IMMP2L: variants seen among roughly 807,000 people sequenced by gnomAD.
IMMP2L encodes the protein inner mitochondrial membrane peptidase subunit 2.
IMMP2L carries 18 observed loss-of-function variants against 19.3 expected under a neutral mutation model. That is an observed-to-expected ratio of 0.93 (90% confidence interval 0.64 to 1.38). The LOEUF (loss-of-function observed/expected upper bound fraction) is 1.38. IMMP2L is among the 40% of genes most tolerant of loss of function. The probability of loss-of-function intolerance (pLI) is 0.00; values close to 1 mark genes in which losing one functional copy is unlikely to be tolerated. For synonymous variants in IMMP2L, 76 were observed against 73.0 expected, an observed-to-expected ratio of 1.04 and a Z score of -0.21; for missense variants, 233 against 218.2, an observed-to-expected ratio of 1.07 and a Z score of -0.43.
rs556356021 is a variant in IMMP2L, at chr7:110,681,205, C to A, written c.409-17484G>T. Among the ~76,000 whole-genome samples the A allele has an allele frequency of 2.1e-3, 319 of 152,128 alleles. 3 individuals are homozygous for A. Among genetic ancestry groups the A allele is most frequent in the African/African-American group, 7.0e-3 (289 of 41,506 alleles). On this transcript the variant is annotated intron_variant, in intron 5 of 5. Transcript: ENST00000405709. ...GAAAACTGAGGCCCAGAAATGCTAC[C>A]CAGATCACTCAGTTAGCTAGAGATG...
intron 4 of IMMP2L, among the ~76,000 whole-genome samples, chr7:110,913,272 T>G (rs544326037): frequency 1.4e-4 from 22 of 152,098 alleles, no homozygotes; most frequent in Non-Finnish European, 2.4e-4. Context: ...ACAATGAGAT[T>G]TGATGCGCAT....
At chr7:111,561,336 T>C (rs986958889) in intron 1 of IMMP2L, among the ~76,000 whole-genome samples, 2 of 152,196 alleles carry the variant, frequency 1.3e-5, no homozygotes, top group Non-Finnish European at 2.9e-5. Flanking sequence ...TTCTGTAAGC[T>C]TGAGAGATCC....
chr7:111,462,486 A>T (rs1249780047), intron 3 of IMMP2L, among the ~76,000 whole-genome samples: 2 of 152,182 alleles, frequency 1.3e-5, no homozygotes, highest in Non-Finnish European at 2.9e-5. Flanking sequence ...TGGAAAATAT[A>T]GAAATAATGG....
In IMMP2L at chr7:111,187,028, G is replaced by A. The variant is rs115550102; in HGVS notation, c.240-223463C>T. 3.6e-3 allele frequency among the ~76,000 whole-genome samples: 541 copies of A among 152,036 alleles called. 7 individuals carry two copies. The highest frequency in any genetic ancestry group is 0.013 in the African/African-American group (525 of 41,416). On this transcript the variant is annotated intron_variant, in intron 3 of 5. Transcript: ENST00000405709. ...GTTCTGGGAATAGAATTAGTAGTAG[G>A]CACTTTTTCTCCATAAATGAATACA...
chr7:111,462,106 T>C (rs2132016428), intron 3 of IMMP2L, among the ~76,000 whole-genome samples: 1 of 151,670 alleles, frequency 6.6e-6, no homozygotes, highest in South Asian at 2.1e-4. Flanking sequence ...TTTATTTTAA[T>C]AATAAATATT....
intron 3 of IMMP2L, among the ~76,000 whole-genome samples, chr7:111,305,365 G>A (rs562869196): frequency 6.6e-6 from 1 of 152,250 alleles, no homozygotes; most frequent in African/African-American, 2.4e-5. Flanking sequence ...GTCTCACTTT[G>A]TCACCCAGGC....
intron 3 of IMMP2L, among the ~76,000 whole-genome samples, chr7:111,240,094 T>C (rs1814823732): frequency 6.6e-6 from 1 of 151,916 alleles, no homozygotes; most frequent in Admixed American, 6.6e-5. Context: ...TCAATTTGAA[T>C]AGAGTTTTAG....
At chr7:111,371,786 T>C (rs1406379546) in intron 3 of IMMP2L, among the ~76,000 whole-genome samples, 2 of 152,030 alleles carry the variant, frequency 1.3e-5, no homozygotes, top group Non-Finnish European at 2.9e-5. Flanking sequence ...GTCATATGTT[T>C]ATGTAATTTA....
intron 3 of IMMP2L, among the ~76,000 whole-genome samples, chr7:111,047,336 C>T (rs936456285): frequency 5.3e-5 from 8 of 151,970 alleles, no homozygotes; most frequent in Admixed American, 1.3e-4. Flanking sequence ...TACAGGCAGG[C>T]ATCACCATTC....
chr7:110,792,857 C>T (rs1800561778), intron 5 of IMMP2L, among the ~76,000 whole-genome samples: 1 of 152,002 alleles, frequency 6.6e-6, no homozygotes, highest in African/African-American at 2.4e-5. Context: ...ATCTCCCCCT[C>T]CCCCAGCCCC....
In IMMP2L at chr7:111,449,133, A is replaced by T. The variant is rs969889024; in HGVS notation, c.239+38105T>A. Among the ~76,000 whole-genome samples the T allele has an allele frequency of 4.0e-5, 6 of 149,060 alleles. No individual in the cohort carries two copies. The East Asian group carries it at 6.1e-4, about 15-fold the overall frequency. ...ACAGCCGAATTCTACCAGAGGTACA[A>T]GGAGGAACTGGTACCATTCCTTCTG... On this transcript the variant is annotated intron_variant, in intron 3 of 5. Transcript: ENST00000405709.
intron 3 of IMMP2L, among the ~76,000 whole-genome samples, chr7:111,225,385 A>T (rs1449408764): frequency 6.6e-6 from 1 of 152,112 alleles, no homozygotes; most frequent in Non-Finnish European, 1.5e-5. Context: ...TATGCTGTAT[A>T]ATAAAATGCA....
intron 3 of IMMP2L, among the ~76,000 whole-genome samples, chr7:111,415,634 A>C (rs1834889458): frequency 1.3e-5 from 2 of 151,844 alleles, no homozygotes; most frequent in South Asian, 4.1e-4. Context: ...TATTTTGCAT[A>C]TAGTTGGCAT....
At chr7:111,043,466 G>T (rs1398815850) in intron 3 of IMMP2L, among the ~76,000 whole-genome samples, 1 of 152,130 alleles carries the variant, frequency 6.6e-6, no homozygotes, top group African/African-American at 2.4e-5. Flanking sequence ...AACTTTAAAT[G>T]AGATGCAAAT....
chr7:111,154,486 G>A (rs1283374712), intron 3 of IMMP2L, among the ~76,000 whole-genome samples: 1 of 152,012 alleles, frequency 6.6e-6, no homozygotes, highest in Admixed American at 6.6e-5. Context: ...ACCATGAAAA[G>A]AACATCCCTT....
chr7:110,892,763 T>C (rs1810935570), intron 4 of IMMP2L, among the ~76,000 whole-genome samples: 1 of 152,188 alleles, frequency 6.6e-6, no homozygotes, highest in Non-Finnish European at 1.5e-5. Context: ...TAGAGTTCCC[T>C]TATTGGGGTA....
chr7:110,913,038 G>T (rs1437507623), intron 4 of IMMP2L, among the ~76,000 whole-genome samples: 1 of 152,044 alleles, frequency 6.6e-6, no homozygotes, highest in East Asian at 1.9e-4. Context: ...GAAGAACCCT[G>T]GGAACAATAA....
intron 5 of IMMP2L, among the ~76,000 whole-genome samples, chr7:110,812,099 T>C (rs1802082479): frequency 6.6e-6 from 1 of 152,070 alleles, no homozygotes; most frequent in Non-Finnish European, 1.5e-5. Flanking sequence ...TATCCACATA[T>C]GTATATATAC....
At chr7:111,255,401 G>C (rs1816593487) in intron 3 of IMMP2L, among the ~76,000 whole-genome samples, 1 of 151,958 alleles carries the variant, frequency 6.6e-6, no homozygotes, top group Non-Finnish European at 1.5e-5. Context: ...AGAAAGGAGG[G>C]TGATGATCAT....
Sources: gnomAD v4.1 joint callset for allele counts (sites outside exome capture counted in the v4.1 genomes callset) on GRCh38, gnomAD v4.1.1 for gene constraint, MANE v1.5 for transcripts, NCBI Gene and HGNC (gene_info 2026-07-23, HGNC 2026-07-21) for gene names.